FNBP1: variants seen among roughly 807,000 people sequenced by gnomAD.
FNBP1 encodes the protein formin binding protein 1, also known as formin-binding protein 1.
In FNBP1, 26 loss-of-function variants were observed where a neutral mutation model predicts 90.6. The ratio of observed to expected loss-of-function variants is 0.29; its 90% confidence interval spans 0.21 to 0.40. The LOEUF is 0.40. FNBP1 is among the 10% of genes least tolerant of loss of function. The pLI is 1.00. For synonymous variants in FNBP1, 260 were observed against 265.2 expected (o/e 0.98, Z 0.19); for missense variants, 635 against 768.0 (o/e 0.83, Z 2.05).
chr9:129,924,009 T>C lies in FNBP1; in HGVS notation c.1005A>G (p.Thr335=), dbSNP rs2041515233. ...IKKNKLMSLL[T]SPHQPPPPPP... ...GGGGAGGGGGAGGCTGATGGGGGGA[T>C]GTTAAAAGGGACATAAGCTACATGT... The change falls in exon 10 of 17, where the codon ACA becomes ACG. Residue 335 remains threonine, a synonymous_variant. Transcript: ENST00000446176. 1 of 1,509,942 alleles carries C rather than the reference T, an allele frequency of 6.6e-7. No individual in the cohort carries two copies. Among genetic ancestry groups the C allele is most frequent in the African/African-American group, 1.5e-5 (1 of 68,944 alleles). The allele number at this position is 1,509,942 out of a possible 1,614,324, so 93.5% of individuals were successfully genotyped here. A position where few individuals can be genotyped will look rare whatever the true frequency, so the allele number is the denominator to read the frequency against.
intron 1 of FNBP1, among the ~76,000 whole-genome samples, chr9:130,026,420 G>A (rs1458346048): frequency 1.3e-5 from 2 of 152,012 alleles, no homozygotes; most frequent in African/African-American, 4.8e-5. Context: ...CTTGAACCTG[G>A]GAGGCGGAGG....
intron 1 of FNBP1, among the ~76,000 whole-genome samples, chr9:129,995,367 C>T (rs904494877): frequency 5.9e-5 from 9 of 151,962 alleles, no homozygotes; most frequent in African/African-American, 1.9e-4. Context: ...AGCCGAGGAA[C>T]GGGGGGAAGT....
At chr9:130,050,809 T>G in the FNBP1 span, among the ~76,000 whole-genome samples, 50 of 74,076 alleles carry the variant, frequency 6.7e-4, 1 homozygote, top group Admixed American at 9.1e-3. Context: ...CCCGCTAATT[T>G]TTGTGTTTTT....
chr9:130,051,216 T>C, the FNBP1 span, among the ~76,000 whole-genome samples: 1 of 152,002 alleles, frequency 6.6e-6, no homozygotes, highest in Non-Finnish European at 1.5e-5. Flanking sequence ...TTTGTATTTT[T>C]TGTAGAGAAG....
intron 15 of FNBP1, 149 bp downstream of exon 15, chr9:129,899,816 G>A: frequency 1.7e-6 from 1 of 590,270 alleles, no homozygotes; most frequent in Non-Finnish European, 2.8e-6. Flanking sequence ...AAGGGGAAGG[G>A]GAAGGGGAAG....
chr9:129,964,421 CATA>C (rs1309363985), intron 4 of FNBP1, among the ~76,000 whole-genome samples: 2 of 152,000 alleles, frequency 1.3e-5, no homozygotes, highest in Admixed American at 6.6e-5. Context: ...TCTTTTAAAA[CATA>C]ATAATAAGCT....
chr9:130,033,885 G>A (rs1205441085), intron 1 of FNBP1, among the ~76,000 whole-genome samples: 5 of 150,924 alleles, frequency 3.3e-5, no homozygotes, highest in African/African-American at 7.3e-5. Flanking sequence ...TCATGGTGGC[G>A]GGTGCCTGTA....
chr9:129,942,754 T>C (rs890848524), intron 6 of FNBP1, among the ~76,000 whole-genome samples: 2 of 152,002 alleles, frequency 1.3e-5, no homozygotes, highest in Non-Finnish European at 2.9e-5. Flanking sequence ...TTGGAAAATA[T>C]AAAACACTTT....
intron 2 of FNBP1, among the ~76,000 whole-genome samples, chr9:129,979,733 G>T (rs974544813): frequency 6.6e-6 from 1 of 151,848 alleles, no homozygotes; most frequent in Non-Finnish European, 1.5e-5. Flanking sequence ...TCTGCCTCCC[G>T]GGTTCAAGCG....
In FNBP1 at chr9:130,026,395, G is replaced by A. The variant is rs180787212; in HGVS notation, c.24+16557C>T. ...TATAGTCCCAGCTACCTGGGAGGCT[G>A]AGGCAGGAGAATCGCTTGAACCTGG... On this transcript the variant is annotated intron_variant, in intron 1 of 16. Transcript: ENST00000446176. Among the ~76,000 whole-genome samples, 729 of 152,248 alleles carry A rather than the reference G, an allele frequency of 4.8e-3. 3 individuals are homozygous for A. Among genetic ancestry groups the A allele is most frequent in the Non-Finnish European group, 8.0e-3 (544 of 68,030 alleles).
intron 15 of FNBP1, among the ~76,000 whole-genome samples, chr9:129,899,701 C>A (rs942945949): frequency 3.4e-5 from 5 of 146,114 alleles, no homozygotes; most frequent in Non-Finnish European, 4.5e-5. Flanking sequence ...TGCACTCTAA[C>A]TTGGGCAAGA....
At chr9:129,924,665 T>C (rs2041613140) in intron 9 of FNBP1, among the ~76,000 whole-genome samples, 1 of 152,160 alleles carries the variant, frequency 6.6e-6, no homozygotes, top group Non-Finnish European at 1.5e-5. Flanking sequence ...CCAGCCAAGG[T>C]AACCAGCAGT....
intron 6 of FNBP1, among the ~76,000 whole-genome samples, chr9:129,948,356 C>CTTTTTTTTTTTTTTTTTTTTTTTTT (rs71385491): frequency 3.1e-5 from 2 of 64,430 alleles, no homozygotes; most frequent in African/African-American, 1.4e-4. Context: ...ATTTTGGTGT[C>CTTTTTTTTTTTTTTTTTTTTTTTTT]TTTTTTTTTT....
intron 1 of FNBP1, among the ~76,000 whole-genome samples, chr9:130,023,589 A>T (rs1029161666): frequency 1.3e-5 from 2 of 152,224 alleles, no homozygotes; most frequent in African/African-American, 4.8e-5. Flanking sequence ...AAGAGGGACC[A>T]GCAACATAAA....
At chr9:130,022,899 C>A (rs1403629162) in intron 1 of FNBP1, among the ~76,000 whole-genome samples, 1 of 152,130 alleles carries the variant, frequency 6.6e-6, no homozygotes, top group Non-Finnish European at 1.5e-5. Flanking sequence ...GTAATCCCAG[C>A]ACTTCAGGAG....
chr9:129,947,440 CAA>C (rs530714143), intron 6 of FNBP1, among the ~76,000 whole-genome samples: 2 of 96,958 alleles, frequency 2.1e-5, no homozygotes. Context: ...AACTCCGTCT[CAA>C]AAAAAAAAAA....
At chr9:129,948,344 C>T (rs1053995964) in intron 6 of FNBP1, among the ~76,000 whole-genome samples, 2 of 142,356 alleles carry the variant, frequency 1.4e-5, no homozygotes, top group Non-Finnish European at 3.0e-5. Flanking sequence ...TACAAAACAC[C>T]TATTTTGGTG....
intron 2 of FNBP1, among the ~76,000 whole-genome samples, chr9:129,989,806 G>T (rs1471354725): frequency 6.6e-6 from 1 of 152,276 alleles, no homozygotes; most frequent in African/African-American, 2.4e-5. Flanking sequence ...GGGAGGCCTC[G>T]GTCAGAGGAT....
chr9:129,924,712 G>A (rs572072722), intron 9 of FNBP1, among the ~76,000 whole-genome samples: 2 of 152,258 alleles, frequency 1.3e-5, no homozygotes, highest in Non-Finnish European at 2.9e-5. Flanking sequence ...GAGGCGAAAC[G>A]GTGGAGAGGT....
Sources: gnomAD v4.1 joint callset for allele counts (sites outside exome capture counted in the v4.1 genomes callset) on GRCh38, gnomAD v4.1.1 for gene constraint, MANE v1.5 for transcripts, NCBI Gene and HGNC (gene_info 2026-07-23, HGNC 2026-07-21) for gene names.